The following INMT variants were observed in gnomAD, a reference collection of about 807,000 sequenced individuals.
INMT encodes indolethylamine N-methyltransferase.
A neutral mutation model predicts 11.5 loss-of-function variants in INMT; 11 were observed. The ratio of observed to expected loss-of-function variants is 0.95; its 90% CI spans 0.60 to 1.58. The LOEUF is 1.58. INMT is among the 40% of genes most tolerant of loss of function. The probability of loss-of-function intolerance (pLI) is 0.00; values close to 1 mark genes in which losing one functional copy is unlikely to be tolerated. For missense variants in INMT, 316 were observed against 336.1 expected (o/e 0.94, Z 0.47); for synonymous variants, 155 against 142.9 (o/e 1.08, Z -0.60).
chr7:30,752,411 G>C (rs1786107451), intron 1 of INMT, 107 bp downstream of exon 1: 5 of 907,750 alleles, frequency 5.5e-6, no homozygotes, highest in Non-Finnish European at 8.5e-6. Context: ...GGGTTTTTGG[G>C]GATGGGCTGG....
Position 30,755,847 on chromosome 7 carries a change from C to T in INMT, c.788C>T (p.Pro263Leu), listed in dbSNP as rs767144130. 6 of 1,605,590 alleles carry T rather than the reference C, an allele frequency of 3.7e-6. No homozygotes were observed. In the East Asian group the frequency reaches 6.7e-5, roughly 18 times the overall value. The change falls in exon 3 of 3, where the codon CCC becomes CTC. Residue 263 changes from proline to leucine, a missense_variant. By Grantham distance (98) the Pro-to-Leu change is moderately conservative. Transcript: ENST00000013222. ...ATTGTGGCTCGCAAGAAGCCTGGGC[C>T]CTGAGCCAGGAGGGCCAGCCAGAGG... ...CFIVARKKPG[P>L]
intron 1 of INMT, among the ~76,000 whole-genome samples, chr7:30,753,119 A>G (rs2041639033): frequency 6.6e-6 from 1 of 152,192 alleles, no homozygotes; most frequent in Non-Finnish European, 1.5e-5. Context: ...AGGGCTCCAG[A>G]CAGAATGTTG....
At position 30,757,415 on chromosome 7, in the gene INMT, A is replaced by G; in HGVS notation, c.*1564A>G. 1 of 237,174 alleles carries G rather than the reference A, an allele frequency of 4.2e-6. No individual in the cohort carries two copies. The allele number at this position is 237,174 out of a possible 1,614,324, so 14.7% of individuals were successfully genotyped here. On this transcript the variant is annotated 3_prime_UTR_variant, in exon 3 of 3. Transcript: ENST00000013222. ...GATGGACAGGAAGGAGCCAGGACAC[A>G]GCTCAGCTTGCTCACGCCCAGAGAG...
rs185075033 is a variant in INMT at position 30,753,906 on chromosome 7, G to A, written c.330G>A (p.Ala110=). ...KEPGAYDWTP[A]VKFACELEGN... is the part of the protein sequence containing the mutation. ...CGGGGGCCTATGACTGGACCCCAGC[G>A]GTGAAATTCGCCTGTGAGCTGGAAG... Residue 110 remains alanine (A), a synonymous_variant, in exon 2 of 3, where the codon GCG becomes GCA. Coordinates refer to ENST00000013222, the MANE Select transcript of INMT (RefSeq NM_006774.5). 14 of 1,614,126 alleles carry A rather than the reference G, an allele frequency of 8.7e-6. No homozygotes were observed. The highest frequency in any genetic ancestry group is 1.7e-4 in the Middle Eastern group (1 of 6,026).
chr7:30,753,422 A>G (rs1283397625), intron 1 of INMT, among the ~76,000 whole-genome samples: 1 of 151,670 alleles, frequency 6.6e-6, no homozygotes, highest in Non-Finnish European at 1.5e-5. Flanking sequence ...GAAATATTAT[A>G]CTCTTGGCTT....
chr7:30,755,719 G>T lies in INMT; in HGVS notation c.660G>T (p.Glu220Asp), dbSNP rs1241877991. Residue 220 changes from glutamate to aspartate, a missense_variant, in exon 3 of 3, where the codon GAG (glutamate) becomes GAT (aspartate). Glu to Asp is a conservative substitution (Grantham distance 45, BLOSUM62 2). Coordinates refer to ENST00000013222, the MANE Select transcript of INMT (RefSeq NM_006774.5). The part of the protein sequence containing the change: ...EFSCVALEKE[E>D]VEQAVLDAGF... ...CCTGCGTGGCCCTGGAGAAAGAGGA[G>T]GTGGAGCAGGCTGTCCTGGATGCTG... The T allele has an allele frequency of 6.2e-7, 1 of 1,614,256 alleles. No individual in the cohort carries two copies. The highest frequency in any genetic ancestry group is 1.1e-5 in the South Asian group (1 of 91,084).
intron 1 of INMT, among the ~76,000 whole-genome samples, chr7:30,752,732 A>T (rs1786116436): frequency 6.6e-6 from 1 of 152,092 alleles, no homozygotes. Flanking sequence ...GTCTGTGATG[A>T]GGACCTGGAA....
chr7:30,755,968 A>G lies in INMT; in HGVS notation c.*117A>G. Reference sequence around the variant, plus strand: ...TCTCTGATTTCAACACTAACATTCCATCTTCTGAAATTCTGAGATTCTAAC... The same window carrying G: ...TCTCTGATTTCAACACTAACATTCCGTCTTCTGAAATTCTGAGATTCTAAC... On this transcript the variant is annotated 3_prime_UTR_variant, in exon 3 of 3. Transcript: ENST00000013222. The G allele has an allele frequency of 6.9e-7, 1 of 1,446,978 alleles. No individual in the cohort carries two copies. Among genetic ancestry groups the G allele is most frequent in the African/African-American group, 1.4e-5 (1 of 70,626 alleles). The allele number at this position is 1,446,978 out of a possible 1,614,324, so 89.6% of individuals were successfully genotyped here. A position where few individuals can be genotyped will look rare whatever the true frequency, so the allele number is the denominator to read the frequency against.
rs756606152 is a variant in INMT at position 30,752,149 on chromosome 7, C to A, written c.-2C>A. Reference sequence around the variant, plus strand: ...AAGGAGGGGGCACATTTCAGGGACACCATGAAGGGTGGCTTCACTGGGGGT... The same window carrying A: ...AAGGAGGGGGCACATTTCAGGGACAACATGAAGGGTGGCTTCACTGGGGGT... On this transcript the variant is annotated 5_prime_UTR_variant, in exon 1 of 3. Coordinates refer to ENST00000013222, the MANE Select transcript of INMT (RefSeq NM_006774.5). The A allele has an allele frequency of 1.4e-5, 23 of 1,613,756 alleles. No individual in the cohort carries two copies. Among genetic ancestry groups the A allele is most frequent in the Non-Finnish European group, 1.9e-5 (22 of 1,179,854 alleles).
chr7:30,752,207 C>T lies in INMT; in HGVS notation c.57C>T (p.Asp19=). The T allele has an allele frequency of 3.7e-6, 6 of 1,614,084 alleles. No individual in the cohort carries two copies. The highest frequency in any genetic ancestry group is 5.1e-6 in the Non-Finnish European group (6 of 1,179,978). The change falls in exon 1 of 3, where the codon GAC becomes GAT. Residue 19 remains aspartate (D), a synonymous_variant. Transcript: ENST00000013222. ...DEYQKHFLPR[D]YLATYYSFDG... ...ACCAGAAGCACTTCCTGCCCAGGGA[C>T]TACTTGGCTACTTACTACAGCTTCG...
In INMT at chr7:30,754,462, C is replaced by A. The variant is rs546062070; in HGVS notation, c.362+524C>A. 6.6e-6 allele frequency among the ~76,000 whole-genome samples: 1 copy of A among 151,758 alleles called. No individual in the cohort carries two copies. The highest frequency in any genetic ancestry group is 1.9e-4 in the East Asian group (1 of 5,134). ...ATCCATCAATATTCATCCATCCACC[C>A]ACCCATCCATTCATCCATCCATATC... On this transcript the variant is annotated intron_variant, in intron 2 of 2. Coordinates refer to ENST00000013222, the MANE Select transcript of INMT (RefSeq NM_006774.5). This position sits in a 1 kb window ranked among gnomAD's most constrained non-coding sequence, Gnocchi z 4.9.
chr7:30,756,189 C>T lies in INMT; in HGVS notation c.*338C>T, dbSNP rs537145100. The T allele has an allele frequency of 9.4e-7, 1 of 1,065,788 alleles. No individual in the cohort carries two copies. Among genetic ancestry groups the T allele is most frequent in the Admixed American group, 4.8e-5 (1 of 21,012 alleles). The allele number at this position is 1,065,788 out of a possible 1,614,324, so 66.0% of individuals were successfully genotyped here. A position where few individuals can be genotyped will look rare whatever the true frequency, so the allele number is the denominator to read the frequency against. Reference sequence around the variant, plus strand: ...AGGACAAGGAAACCTCTGAGTCTACCTAATATGTTAAGGACAAGGAAACCT... The same window carrying T: ...AGGACAAGGAAACCTCTGAGTCTACTTAATATGTTAAGGACAAGGAAACCT... On this transcript the variant is annotated 3_prime_UTR_variant, in exon 3 of 3. Transcript: ENST00000013222.
At chr7:30,753,702 C>T in intron 1 of INMT, 29 bp from the exon 2 acceptor site, 1 of 1,599,040 alleles carries the variant, frequency 6.3e-7, no homozygotes, top group Non-Finnish European at 8.6e-7. Flanking sequence ...TTCTTTTACC[C>T]ATCCATTACC....
intron 1 of INMT, among the ~76,000 whole-genome samples, chr7:30,753,016 C>A (rs570390860): frequency 6.6e-6 from 1 of 152,334 alleles, no homozygotes; most frequent in Non-Finnish European, 1.5e-5. Flanking sequence ...GGCTGCTGAG[C>A]CTGGAGGAGC....
Position 30,755,548 on chromosome 7 carries a change from G to T in INMT, c.489G>T (p.Leu163=). 7 of 1,612,790 alleles carry T rather than the reference G, an allele frequency of 4.3e-6. No individual in the cohort carries two copies. The highest frequency in any genetic ancestry group is 5.9e-6 in the Non-Finnish European group (7 of 1,180,024). The part of the protein sequence containing the change: ...VLPLADCVLT[L]LAMECACCSL... ...CTCTCGCCGACTGTGTGCTCACCCT[G>T]CTGGCCATGGAGTGTGCCTGCTGTA... Residue 163 remains leucine, a synonymous_variant, in exon 3 of 3, where the codon CTG becomes CTT. Coordinates refer to ENST00000013222, the MANE Select transcript of INMT (RefSeq NM_006774.5).
chr7:30,754,905 CT>C lies in INMT; in HGVS notation c.363-512del, dbSNP rs1786193430. ...ATATGGATTTTATGCTTATCATTCC[CT>C]TTTTCAAAAAATTTTTTTCTTGCAT... On this transcript the variant is annotated intron_variant, in intron 2 of 2. Transcript: ENST00000013222. This position sits in a 1 kb window ranked among gnomAD's most constrained non-coding sequence, Gnocchi z 4.9. Among the ~76,000 whole-genome samples, 1 of 152,166 alleles carries C rather than the reference CT, an allele frequency of 6.6e-6. No individual in the cohort carries two copies. Among genetic ancestry groups the C allele is most frequent in the Non-Finnish European group, 1.5e-5 (1 of 68,036 alleles).
chr7:30,753,994 C>T (rs1562832591), intron 2 of INMT, 56 bp downstream of exon 2: 1 of 1,548,148 alleles, frequency 6.5e-7, no homozygotes, highest in Non-Finnish European at 8.9e-7. Context: ...TCTCAGAAGT[C>T]TCCCTGGCCT....
intron 1 of INMT, among the ~76,000 whole-genome samples, chr7:30,752,842 G>C (rs1424550086): frequency 1.3e-5 from 2 of 152,184 alleles, no homozygotes; most frequent in Non-Finnish European, 2.9e-5. Context: ...ACGATGGATG[G>C]TGACTTCTGC....
At position 30,754,726 on chromosome 7, in the gene INMT, T is replaced by A. The variant is rs1203659430; in HGVS notation, c.363-696T>A. ...ACCCACCCATCCATCCATCTTTCCTTCTTCCCTCTATTGTCTGTACCTGTG... is the reference window on the plus strand; with the variant it reads ...ACCCACCCATCCATCCATCTTTCCTACTTCCCTCTATTGTCTGTACCTGTG... On this transcript the variant is annotated intron_variant, in intron 2 of 2. Transcript: ENST00000013222. This position sits in a 1 kb window ranked among gnomAD's most constrained non-coding sequence, Gnocchi z 4.9. Among the ~76,000 whole-genome samples the A allele has an allele frequency of 1.3e-5, 2 of 152,154 alleles. No individual in the cohort carries two copies. The highest frequency in any genetic ancestry group is 4.8e-5 in the African/African-American group (2 of 41,430).
Sources: gnomAD v4.1 joint callset for allele counts (sites outside exome capture counted in the v4.1 genomes callset) on GRCh38, gnomAD v4.1.1 for gene constraint, Gnocchi (gnomAD v3.1) non-coding constraint, MANE v1.5 for transcripts, NCBI Gene and HGNC (gene_info 2026-07-23, HGNC 2026-07-21) for gene names.